ABTB2: variants seen among roughly 807,000 people sequenced by gnomAD.
ABTB2 encodes the protein ankyrin repeat and BTB/POZ domain-containing protein 2.
ABTB2 carries 56 observed loss-of-function variants against 104.1 expected under a neutral mutation model. That is an observed-to-expected ratio of 0.54 (90% confidence interval 0.43 to 0.67). The LOEUF (loss-of-function observed/expected upper bound fraction) is 0.67, where lower values mean the gene tolerates loss of function less well. Ranked by LOEUF, ABTB2 falls within the 30% of genes least tolerant of loss-of-function variation. The pLI, the probability that ABTB2 is intolerant of heterozygous loss-of-function variation, is 0.00. For missense variants in ABTB2, 1,279 were observed against 1,407.7 expected (o/e 0.91, Z 1.46); for synonymous variants, 606 against 608.2 (o/e 1.00, Z 0.05).
chr11:34,186,271 G>T (rs1373673067), intron 3 of ABTB2, among the ~76,000 whole-genome samples: 1 of 152,200 alleles, frequency 6.6e-6, no homozygotes, highest in Non-Finnish European at 1.5e-5. Context: ...AAGCGGGGAG[G>T]GGCAAGTCAC....
At chr11:34,295,247 C>T (rs1854608518) in intron 1 of ABTB2, among the ~76,000 whole-genome samples, 1 of 151,956 alleles carries the variant, frequency 6.6e-6, no homozygotes, top group Non-Finnish European at 1.5e-5. Context: ...GAGAATGATC[C>T]AGCAGAGAGG....
chr11:34,274,807 G>A (rs1159394128), intron 1 of ABTB2, among the ~76,000 whole-genome samples: 1 of 152,102 alleles, frequency 6.6e-6, no homozygotes, highest in South Asian at 2.1e-4. Flanking sequence ...GCCGAGTGCA[G>A]TATTGCGCAA....
chr11:34,180,553 A>C (rs1442922653), intron 3 of ABTB2, among the ~76,000 whole-genome samples: 2 of 152,228 alleles, frequency 1.3e-5, no homozygotes, highest in Non-Finnish European at 2.9e-5. Context: ...TTCTGGTAGC[A>C]TTTGTCTTTG....
chr11:34,340,765 A>G (rs1855253125), intron 1 of ABTB2, among the ~76,000 whole-genome samples: 1 of 152,342 alleles, frequency 6.6e-6, no homozygotes, highest in Non-Finnish European at 1.5e-5. Context: ...CCAGGTAGAT[A>G]CCAATAGGCC....
chr11:34,311,669 A>T (rs966615288), intron 1 of ABTB2, among the ~76,000 whole-genome samples: 1 of 152,234 alleles, frequency 6.6e-6, no homozygotes, highest in African/African-American at 2.4e-5. Context: ...GTGTCCATTT[A>T]TACTGGGAGG....
rs1172489947 is a variant in ABTB2 at position 34,151,711 on chromosome 11, C to CT, written c.*675dup. 2.0e-5 allele frequency: 3 copies of CT among 152,482 alleles called. No individual in the cohort carries two copies. The highest frequency in any genetic ancestry group is 6.5e-5 in the Admixed American group (1 of 15,282). 9.4% of individuals were successfully genotyped at this position (152,482 alleles called of 1,614,324 possible). Reference sequence around the variant, plus strand: ...CTGGGGAACTGCCCTCTGCTGCTAACTGAGCAAGCTGGTAGTCCTGATGGG... The same window carrying CT: ...CTGGGGAACTGCCCTCTGCTGCTAACTTGAGCAAGCTGGTAGTCCTGATGGG... On this transcript the variant is annotated 3_prime_UTR_variant, in exon 17 of 17. Coordinates refer to ENST00000435224, the MANE Select transcript of ABTB2 (RefSeq NM_145804.3).
chr11:34,165,239 C>T lies in ABTB2; in HGVS notation c.1852+21G>A, dbSNP rs768079571. 5.0e-5 allele frequency: 77 copies of T among 1,537,204 alleles called. No individual in the cohort carries two copies. The South Asian group carries it at 8.6e-4, about 17-fold the overall frequency. On this transcript the variant is annotated intron_variant, in intron 8 of 16. Transcript: ENST00000435224. ...CACTGCAGGGAAGGGTAGACAGAGC[C>T]TCCGGGTAGCAGGTGCCTACCTGCC...
intron 1 of ABTB2, among the ~76,000 whole-genome samples, chr11:34,261,293 G>A (rs73495592): frequency 0.034 from 5,247 of 152,206 alleles, 309 homozygotes; most frequent in African/African-American, 0.12. Flanking sequence ...AGTACACAGT[G>A]TCACAGCTGT....
intron 1 of ABTB2, among the ~76,000 whole-genome samples, chr11:34,344,999 T>C (rs551647660): frequency 7.2e-5 from 11 of 152,306 alleles, no homozygotes; most frequent in Admixed American, 5.2e-4. Context: ...TGTTGGCAAG[T>C]GCCAGTGGCT....
intron 1 of ABTB2, among the ~76,000 whole-genome samples, chr11:34,235,047 G>T (rs1235048281): frequency 6.6e-6 from 1 of 152,000 alleles, no homozygotes; most frequent in South Asian, 2.1e-4. Context: ...ATTTTTAGTA[G>T]AGATGGGGTT....
intron 3 of ABTB2, among the ~76,000 whole-genome samples, chr11:34,174,878 C>G (rs747045586): frequency 1.6e-4 from 24 of 152,332 alleles, no homozygotes; most frequent in Non-Finnish European, 2.6e-4. Context: ...CCGGCTCCTG[C>G]CTGTTCCCAG....
chr11:34,165,006 C>G (rs1852778656), intron 8 of ABTB2, among the ~76,000 whole-genome samples, 185 bp from the exon 9 acceptor site: 1 of 152,200 alleles, frequency 6.6e-6, no homozygotes, highest in Non-Finnish European at 1.5e-5. Context: ...CGTGCCCTGC[C>G]CCTGCTCCCC....
intron 1 of ABTB2, among the ~76,000 whole-genome samples, chr11:34,287,312 C>T (rs959116489): frequency 1.3e-5 from 2 of 152,112 alleles, no homozygotes; most frequent in Non-Finnish European, 2.9e-5. Context: ...TGGCTCATGC[C>T]TGTAATCCTA....
chr11:34,265,115 G>A (rs1019470504), intron 1 of ABTB2, among the ~76,000 whole-genome samples: 2 of 152,178 alleles, frequency 1.3e-5, no homozygotes, highest in Admixed American at 6.5e-5. Flanking sequence ...CCTTCCTAAG[G>A]AAGATGCAGG....
intron 1 of ABTB2, among the ~76,000 whole-genome samples, chr11:34,248,374 T>C (rs1013355630): frequency 3.3e-5 from 5 of 152,176 alleles, no homozygotes; most frequent in Admixed American, 2.6e-4. Context: ...TATGAGCCAC[T>C]GTACCTGGCC....
At chr11:34,320,219 C>T (rs1854984054) in intron 1 of ABTB2, among the ~76,000 whole-genome samples, 2 of 152,172 alleles carry the variant, frequency 1.3e-5, no homozygotes, top group South Asian at 4.1e-4. Context: ...TATGTCTCCC[C>T]AAAATATGTG....
intron 5 of ABTB2, among the ~76,000 whole-genome samples, chr11:34,170,527 TGAGGACAAGGGTTTC>T (rs1852858238): frequency 6.6e-6 from 1 of 152,206 alleles, no homozygotes; most frequent in African/African-American, 2.4e-5. Context: ...GGTATCTCCA[TGAGGACAAGGGTTTC>T]CATGCCCTGG....
chr11:34,272,490 G>A (rs547425360), intron 1 of ABTB2, among the ~76,000 whole-genome samples: 7 of 151,862 alleles, frequency 4.6e-5, no homozygotes, highest in African/African-American at 1.7e-4. Context: ...GGTGGATCAC[G>A]AGGTCAGGAG....
intron 1 of ABTB2, among the ~76,000 whole-genome samples, chr11:34,233,224 A>G (rs79536661): frequency 7.1e-6 from 1 of 140,162 alleles, no homozygotes; most frequent in Non-Finnish European, 1.6e-5. Flanking sequence ...TTTTCTTTTT[A>G]TTTTTTTGAA....
Sources: gnomAD v4.1 joint callset for allele counts (sites outside exome capture counted in the v4.1 genomes callset) on GRCh38, gnomAD v4.1.1 for gene constraint, MANE v1.5 for transcripts, NCBI Gene and HGNC (gene_info 2026-07-23, HGNC 2026-07-21) for gene names.